Variants in LRRC2 observed in about 807,000 individuals in gnomAD.
LRRC2 encodes the protein leucine rich repeat containing 2.
LRRC2 carries 27 observed loss-of-function variants against 40.2 expected under a neutral mutation model. The observed-to-expected ratio is 0.67, with a 90% CI of 0.49 to 0.93. The LOEUF (loss-of-function observed/expected upper bound fraction) is 0.93, where lower values mean the gene tolerates loss of function less well. Among genes scored for constraint, LRRC2 ranks in the 40% least tolerant of loss-of-function variants. The probability of loss-of-function intolerance (pLI) is 0.00; values close to 1 mark genes in which losing one functional copy is unlikely to be tolerated. For missense variants in LRRC2, 402 were observed against 439.6 expected (o/e 0.91, Z 0.76); for synonymous variants, 147 against 158.9 (o/e 0.92, Z 0.56).
At chr3:46,539,335 CA>C (rs1704336640) in intron 3 of LRRC2, 134 bp from the exon 4 acceptor site, 2 of 789,490 alleles carry the variant, frequency 2.5e-6, no homozygotes, top group South Asian at 3.4e-5. Flanking sequence ...ACCAGCACTC[CA>C]GCCATTTCAA....
chr3:46,538,593 C>T (rs898725219), intron 4 of LRRC2, among the ~76,000 whole-genome samples: 2 of 151,966 alleles, frequency 1.3e-5, no homozygotes, highest in African/African-American at 4.8e-5. Flanking sequence ...GAGATTGTGC[C>T]ATTGCACTCC....
At chr3:46,563,295 C>T (rs1704987700) in intron 1 of LRRC2, among the ~76,000 whole-genome samples, 1 of 152,132 alleles carries the variant, frequency 6.6e-6, no homozygotes, top group African/African-American at 2.4e-5. Flanking sequence ...TAGATCATGC[C>T]ACCACCTGGC....
chr3:46,551,492 T>A lies in LRRC2; in HGVS notation c.100A>T (p.Arg34Trp). 1 of 1,613,968 alleles carries A rather than the reference T, an allele frequency of 6.2e-7. No individual in the cohort carries two copies. Among genetic ancestry groups the A allele is most frequent in the Non-Finnish European group, 8.5e-7 (1 of 1,179,946 alleles). ...TTCTCCAAGGCGCTCTTCTCAAGCCTTTCCACCTCCTTCTTCTGCCAAGCT... is the reference window on the plus strand; with the variant it reads ...TTCTCCAAGGCGCTCTTCTCAAGCCATTCCACCTCCTTCTTCTGCCAAGCT... ...HKAWQKKEVE[R>W]LEKSALEKIK... The change falls in exon 2 of 9, where the codon AGG becomes TGG. Residue 34 changes from arginine (R) to tryptophan (W), a missense_variant. Transcript: ENST00000395905.
At chr3:46,551,406 T>C in intron 2 of LRRC2, 61 bp downstream of exon 2, 1 of 1,573,638 alleles carries the variant, frequency 6.4e-7, no homozygotes, top group Admixed American at 1.9e-5. Flanking sequence ...AACGCAACTG[T>C]TGCCTGTCCA....
chr3:46,525,519 A>C (rs915327183), intron 7 of LRRC2, among the ~76,000 whole-genome samples: 3 of 152,116 alleles, frequency 2.0e-5, no homozygotes, highest in African/African-American at 7.2e-5. Context: ...ACAAAGGGTT[A>C]GGTTACAGGC....
At chr3:46,550,212 A>G (rs1256133948) in intron 2 of LRRC2, among the ~76,000 whole-genome samples, 1 of 152,100 alleles carries the variant, frequency 6.6e-6, no homozygotes, top group East Asian at 1.9e-4. Flanking sequence ...CTAAGTCCCA[A>G]CTTCCTCATC....
At chr3:46,564,592 T>G (rs1559423704) in intron 1 of LRRC2, among the ~76,000 whole-genome samples, 1 of 152,092 alleles carries the variant, frequency 6.6e-6, no homozygotes, top group East Asian at 1.9e-4. Context: ...CACCTCATCA[T>G]GCAGGTGCCA....
chr3:46,527,336 T>G (rs1162238110), intron 7 of LRRC2, 90 bp downstream of exon 7: 2 of 1,357,932 alleles, frequency 1.5e-6, no homozygotes, highest in Non-Finnish European at 2.1e-6. Flanking sequence ...AGCCATCTAA[T>G]CCGGGTCTTG....
At chr3:46,532,730 C>T (rs1294827334) in intron 5 of LRRC2, 43 bp downstream of exon 5, 2 of 1,593,866 alleles carry the variant, frequency 1.3e-6, no homozygotes, top group African/African-American at 2.7e-5. Context: ...ATGTCATAAA[C>T]CAAATAAAAG....
At chr3:46,536,995 C>T (rs1461278304) in intron 4 of LRRC2, among the ~76,000 whole-genome samples, 1 of 152,192 alleles carries the variant, frequency 6.6e-6, no homozygotes, top group African/African-American at 2.4e-5. Context: ...ATGCTTAATA[C>T]CCCATCTATC....
intron 1 of LRRC2, among the ~76,000 whole-genome samples, chr3:46,552,395 A>G (rs989125147): frequency 2.0e-5 from 3 of 146,662 alleles, no homozygotes; most frequent in Admixed American, 6.8e-5. Flanking sequence ...AAAAAAAAAA[A>G]GCTCACATAG....
At chr3:46,555,018 G>A (rs1481490123) in intron 1 of LRRC2, among the ~76,000 whole-genome samples, 1 of 152,132 alleles carries the variant, frequency 6.6e-6, no homozygotes, top group Non-Finnish European at 1.5e-5. Flanking sequence ...TCATATGCTT[G>A]TTAGGCATTT....
chr3:46,537,253 A>G (rs961730625), intron 4 of LRRC2, among the ~76,000 whole-genome samples: 1 of 152,108 alleles, frequency 6.6e-6, no homozygotes, highest in South Asian at 2.1e-4. Flanking sequence ...GGCACACGCC[A>G]TCATGCCTGG....
chr3:46,533,758 C>CT (rs1704206840), intron 4 of LRRC2, among the ~76,000 whole-genome samples: 1 of 57,200 alleles, frequency 1.7e-5, no homozygotes, highest in Non-Finnish European at 3.5e-5. Context: ...TCTTCCTTCC[C>CT]TCCCTCCCTC....
At chr3:46,526,066 C>G (rs376980517) in intron 7 of LRRC2, among the ~76,000 whole-genome samples, 1 of 152,084 alleles carries the variant, frequency 6.6e-6, no homozygotes, top group Non-Finnish European at 1.5e-5. Context: ...GATTCTCCTG[C>G]CTCAGCCTCC....
chr3:46,549,331 G>T, intron 2 of LRRC2, among the ~76,000 whole-genome samples: 1 of 152,144 alleles, frequency 6.6e-6, no homozygotes, highest in African/African-American at 2.4e-5. Context: ...TAGTACTAAT[G>T]ATCACAGTAT....
chr3:46,549,631 G>A (rs1704599821), intron 2 of LRRC2, among the ~76,000 whole-genome samples: 1 of 152,232 alleles, frequency 6.6e-6, no homozygotes, highest in African/African-American at 2.4e-5. Flanking sequence ...TACATGAGAT[G>A]CGTGAAGCTG....
At chr3:46,561,970 A>T (rs1704955150) in intron 1 of LRRC2, among the ~76,000 whole-genome samples, 1 of 152,208 alleles carries the variant, frequency 6.6e-6, no homozygotes, top group African/African-American at 2.4e-5. Context: ...AGTGGACAAT[A>T]AAATGTAAAA....
intron 2 of LRRC2, among the ~76,000 whole-genome samples, chr3:46,549,350 T>A (rs1254228582): frequency 1.3e-5 from 2 of 152,208 alleles, no homozygotes; most frequent in Non-Finnish European, 2.9e-5. Context: ...ATGAATTATA[T>A]TATGGAAGCT....
Sources: allele counts gnomAD v4.1 joint callset (sites outside exome capture counted in the v4.1 genomes callset), GRCh38; gene constraint gnomAD v4.1.1; transcripts MANE v1.5; gene names NCBI Gene and HGNC (gene_info 2026-07-23, HGNC 2026-07-21).